Variants in SLCO2A1 observed in about 807,000 individuals in gnomAD.
The protein encoded by SLCO2A1 is solute carrier organic anion transporter family member 2A1, also known as matrin F/G 1.
SLCO2A1 carries 60 observed loss-of-function variants against 71.7 expected under a neutral mutation model. The ratio of observed to expected loss-of-function variants is 0.84; its 90% CI spans 0.68 to 1.04. The LOEUF is 1.04. Among genes scored for constraint, SLCO2A1 ranks in the 50% least tolerant of loss-of-function variants. SLCO2A1 has a pLI of 0.00. For synonymous variants in SLCO2A1, 308 were observed against 326.7 expected (o/e 0.94, Z 0.62); for missense variants, 745 against 813.4 (o/e 0.92, Z 1.02).
chr3:133,949,487 C>G (rs902974286), intron 6 of SLCO2A1, among the ~76,000 whole-genome samples: 1 of 152,194 alleles, frequency 6.6e-6, no homozygotes, highest in Non-Finnish European at 1.5e-5. Flanking sequence ...TTTACCTGCA[C>G]TTTCTTGGGT....
intron 1 of SLCO2A1, among the ~76,000 whole-genome samples, chr3:134,012,212 C>T (rs1935360116): frequency 6.6e-6 from 1 of 152,182 alleles, no homozygotes; most frequent in African/African-American, 2.4e-5. Context: ...TCTATTTCAA[C>T]CCTGCTGAGC....
chr3:133,960,833 G>A (rs762693770), intron 3 of SLCO2A1, among the ~76,000 whole-genome samples: 3 of 152,166 alleles, frequency 2.0e-5, no homozygotes, highest in Non-Finnish European at 4.4e-5. Flanking sequence ...TTCTGGAGAA[G>A]GTTTCTGGAG....
At chr3:133,955,457 T>G in intron 3 of SLCO2A1, 1 of 498,426 alleles carries the variant, frequency 2.0e-6, no homozygotes. Flanking sequence ...GAGAGGAATC[T>G]TCCTCTCGTG....
At chr3:133,968,367 C>T (rs886817834) in intron 3 of SLCO2A1, among the ~76,000 whole-genome samples, 2 of 152,074 alleles carry the variant, frequency 1.3e-5, no homozygotes, top group Admixed American at 6.5e-5. Context: ...ACCCATCTCA[C>T]ACCATAGGTG....
intron 1 of SLCO2A1, among the ~76,000 whole-genome samples, chr3:133,986,952 G>T (rs1029691907): frequency 6.6e-6 from 1 of 152,100 alleles, no homozygotes. Context: ...GCATCTAACC[G>T]TGGTTATAGG....
chr3:133,968,854 G>A (rs73217297), intron 3 of SLCO2A1, among the ~76,000 whole-genome samples: 19,927 of 152,234 alleles, frequency 0.13, 1,680 homozygotes, highest in East Asian at 0.4. Flanking sequence ...CTCTAAAGGC[G>A]CCAGGGTACA....
At chr3:134,002,421 T>G (rs928671918) in intron 1 of SLCO2A1, among the ~76,000 whole-genome samples, 2 of 152,204 alleles carry the variant, frequency 1.3e-5, no homozygotes, top group African/African-American at 4.8e-5. Flanking sequence ...GTTCCTCCCA[T>G]CAATGACAGC....
chr3:134,020,932 CTTGAT>C (rs1935561998), intron 1 of SLCO2A1, among the ~76,000 whole-genome samples: 1 of 151,754 alleles, frequency 6.6e-6, no homozygotes, highest in African/African-American at 2.4e-5. Context: ...TTGGTTTTGA[CTTGAT>C]TTGAATTGCT....
Position 134,029,846 on chromosome 3 carries a change from G to A in SLCO2A1, c.-44C>T. On this transcript the variant is annotated 5_prime_UTR_variant, in exon 1 of 14. Transcript: ENST00000310926. ...GGGCGCGGAGTGGCGCGGGGTCGGG[G>A]CGCCTCGGGCTGGAGCGGCCGGGCG... 8.1e-7 allele frequency: 1 copy of A among 1,240,536 alleles called. No homozygotes were observed. Among genetic ancestry groups the A allele is most frequent in the Non-Finnish European group, 1.0e-6 (1 of 965,060 alleles). The allele number at this position is 1,240,536 out of a possible 1,614,324, so 76.8% of individuals were successfully genotyped here.
intron 13 of SLCO2A1, 45 bp downstream of exon 13, chr3:133,935,728 AG>A: frequency 6.6e-7 from 1 of 1,511,470 alleles, no homozygotes; most frequent in Non-Finnish European, 8.9e-7. Context: ...TGTCATCTCA[AG>A]CCCAGGGCCT....
At chr3:133,961,175 C>T (rs975402705) in intron 3 of SLCO2A1, among the ~76,000 whole-genome samples, 1 of 151,886 alleles carries the variant, frequency 6.6e-6, no homozygotes, top group Non-Finnish European at 1.5e-5. Flanking sequence ...TCAACTGAGA[C>T]GGGTAAGGAG....
chr3:133,951,133 G>T, intron 6 of SLCO2A1, 75 bp downstream of exon 6: 2 of 1,584,864 alleles, frequency 1.3e-6, no homozygotes, highest in Non-Finnish European at 1.7e-6. Flanking sequence ...CAGCTTTTTA[G>T]CTCTATTTAT....
chr3:133,950,545 C>T (rs552955298), intron 6 of SLCO2A1, among the ~76,000 whole-genome samples: 2 of 152,308 alleles, frequency 1.3e-5, no homozygotes, highest in South Asian at 2.1e-4. Context: ...CCTTCCCTAC[C>T]CCCTAAACTC....
chr3:134,028,283 C>T (rs1576466166), intron 1 of SLCO2A1, among the ~76,000 whole-genome samples: 1 of 152,116 alleles, frequency 6.6e-6, no homozygotes, highest in East Asian at 1.9e-4. Context: ...AATCCTAGTC[C>T]CTACCCTTTC....
intron 1 of SLCO2A1, among the ~76,000 whole-genome samples, chr3:133,983,857 G>A (rs1934649339): frequency 6.6e-6 from 1 of 152,194 alleles, no homozygotes; most frequent in Admixed American, 6.5e-5. Flanking sequence ...TAGTGGGTCT[G>A]GAGAGGCACC....
chr3:133,956,424 A>T (rs1268811701), intron 3 of SLCO2A1, among the ~76,000 whole-genome samples: 2 of 152,172 alleles, frequency 1.3e-5, no homozygotes, highest in African/African-American at 4.8e-5. Flanking sequence ...AGTGGTGTCT[A>T]TGCAGGACAC....
At chr3:133,988,030 A>G (rs9809190) in intron 1 of SLCO2A1, among the ~76,000 whole-genome samples, 50,779 of 152,152 alleles carry the variant, frequency 0.33, 8,873 homozygotes, top group Non-Finnish European at 0.4. Context: ...GTGTAAACCA[A>G]AAAGAAAATT....
At chr3:134,006,265 T>C (rs1935213348) in intron 1 of SLCO2A1, among the ~76,000 whole-genome samples, 1 of 152,138 alleles carries the variant, frequency 6.6e-6, no homozygotes, top group Non-Finnish European at 1.5e-5. Flanking sequence ...TTGCCCAGGC[T>C]GGTCTCAAAA....
rs146195307 is a variant in SLCO2A1, at chr3:133,947,260, G to A, written c.1291C>T (p.Pro431Ser). 9.9e-6 allele frequency: 16 copies of A among 1,613,848 alleles called. No homozygotes were observed. The African/African-American group carries it at 1.1e-4, about 11-fold the overall frequency. The change falls in exon 9 of 14, where the codon CCT becomes TCT. Residue 431 changes from proline (P) to serine (S), a missense_variant. Physicochemically the swap from Pro to Ser is moderately conservative, Grantham distance 74 (BLOSUM62 -1). Transcript: ENST00000310926. Reference protein sequence around the residue: ...STPTVAEVYPPSTSSSIHPQS... With the variant: ...STPTVAEVYPSSTSSSIHPQS... ...TCTACCCCTTATTCCCATTACCTAG[G>A]GGGGTAGACTTCGGCCACAGTTGGG...
Sources: gnomAD v4.1 joint callset for allele counts (sites outside exome capture counted in the v4.1 genomes callset) on GRCh38, gnomAD v4.1.1 for gene constraint, MANE v1.5 for transcripts, NCBI Gene and HGNC (gene_info 2026-07-23, HGNC 2026-07-21) for gene names.